The following TP63 variants were observed in gnomAD, a reference collection of about 807,000 sequenced individuals.
TP63 encodes the protein tumor protein 63.
TP63 carries 17 observed loss-of-function variants against 82.8 expected under a neutral mutation model. The observed-to-expected ratio is 0.21, with a 90% CI of 0.14 to 0.31. The LOEUF is 0.31. Among genes scored for constraint, TP63 ranks in the 10% least tolerant of loss-of-function variants. The pLI, the probability that TP63 is intolerant of heterozygous loss-of-function variation, is 1.00. For missense variants in TP63, 648 were observed against 895.3 expected, an observed-to-expected ratio of 0.72 and a Z score of 3.52; for synonymous variants, 330 against 321.7, an observed-to-expected ratio of 1.03 and a Z score of -0.28.
intron 4 of TP63, among the ~76,000 whole-genome samples, chr3:189,828,167 G>A (rs1231644538): frequency 1.3e-5 from 2 of 152,008 alleles, no homozygotes; most frequent in Non-Finnish European, 2.9e-5. Context: ...CTTGAACCCA[G>A]GAGGCAGAGG....
chr3:189,604,097 C>T, the TP63 span, among the ~76,000 whole-genome samples: 1 of 152,102 alleles, frequency 6.6e-6, no homozygotes, highest in Non-Finnish European at 1.5e-5. Flanking sequence ...AAGTAGTGTG[C>T]AAAGAACATG....
chr3:189,732,776 C>G (rs562068363), intron 1 of TP63, among the ~76,000 whole-genome samples: 11 of 151,888 alleles, frequency 7.2e-5, no homozygotes, highest in African/African-American at 2.7e-4. Context: ...CCTCAAGGAG[C>G]TGTAAAACCA....
intron 10 of TP63, among the ~76,000 whole-genome samples, chr3:189,884,267 G>C (rs954215601): frequency 6.6e-6 from 1 of 152,208 alleles, no homozygotes; most frequent in Non-Finnish European, 1.5e-5. Context: ...TCTTTGAAAA[G>C]GTTCCCCCAC....
chr3:189,866,789 C>A lies in TP63; in HGVS notation c.874C>A (p.Pro292Thr), dbSNP rs749041260. ...ACAGAGTGTGCTGGTACCTTATGAG[C>A]CACCCCAGGTAAAAAGCAAAAAACC... ...GRQSVLVPYE[P>T]PQVGTEFTTV... Residue 292 changes from proline (P) to threonine (T), a missense_variant, in exon 6 of 14, where the codon CCA becomes ACA. Around this residue, in one of 5 missense-constraint regions of TP63, gnomAD observed 30 missense variants for 26.4 expected, o/e 1.14. Transcript: ENST00000264731. The A allele has an allele frequency of 6.2e-7, 1 of 1,613,978 alleles. No individual in the cohort carries two copies. The highest frequency in any genetic ancestry group is 1.3e-5 in the African/African-American group (1 of 75,008).
At chr3:189,641,684 A>G (rs1479912123) in intron 1 of TP63, among the ~76,000 whole-genome samples, 3 of 152,052 alleles carry the variant, frequency 2.0e-5, no homozygotes, top group Non-Finnish European at 2.9e-5. Flanking sequence ...ATTTTTGAAC[A>G]TTTGGTTTGG....
At chr3:189,800,903 ATTTATT>A (rs1306444307) in intron 3 of TP63, among the ~76,000 whole-genome samples, 2 of 152,106 alleles carry the variant, frequency 1.3e-5, no homozygotes, top group Non-Finnish European at 2.9e-5. Flanking sequence ...GAGTTTTAAA[ATTTATT>A]TTTATTTTTA....
intron 10 of TP63, among the ~76,000 whole-genome samples, chr3:189,885,403 A>T (rs966041635): frequency 1.3e-5 from 2 of 152,196 alleles, no homozygotes; most frequent in African/African-American, 4.8e-5. Flanking sequence ...CATCTGACTC[A>T]TGCAGCAAGT....
intron 3 of TP63, among the ~76,000 whole-genome samples, chr3:189,805,634 AG>A (rs1489036670): frequency 6.6e-6 from 1 of 152,206 alleles, no homozygotes; most frequent in Non-Finnish European, 1.5e-5. Context: ...AGCCTTGCCG[AG>A]GCCCGCTCAC....
chr3:189,889,306 A>G (rs779088376), intron 11 of TP63, 34 bp from the exon 12 acceptor site: 3 of 1,614,142 alleles, frequency 1.9e-6, no homozygotes, highest in Non-Finnish European at 2.5e-6. Flanking sequence ...TGATGATGGC[A>G]GTAACCCTTT....
intron 1 of TP63, among the ~76,000 whole-genome samples, chr3:189,632,167 A>T (rs1166429395): frequency 6.6e-6 from 1 of 152,160 alleles, no homozygotes; most frequent in Non-Finnish European, 1.5e-5. Flanking sequence ...ACAATTGTGT[A>T]TGTGCTTCAA....
chr3:189,628,669 C>G (rs1729370889), upstream of TP63, among the ~76,000 whole-genome samples: 1 of 152,096 alleles, frequency 6.6e-6, no homozygotes, highest in Non-Finnish European at 1.5e-5. Context: ...CTAAAAGACT[C>G]TAAAGTCTTG....
At chr3:189,788,819 A>G (rs950852713) in intron 3 of TP63, among the ~76,000 whole-genome samples, 10 of 152,022 alleles carry the variant, frequency 6.6e-5, no homozygotes, top group African/African-American at 2.4e-4. Flanking sequence ...CTAATCATTT[A>G]CATAGATGCA....
intron 4 of TP63, among the ~76,000 whole-genome samples, chr3:189,855,696 A>G (rs1190314012): frequency 6.6e-6 from 1 of 151,762 alleles, no homozygotes; most frequent in Non-Finnish European, 1.5e-5. Context: ...GTTTGTGTGT[A>G]TATATGTGTG....
the TP63 span, among the ~76,000 whole-genome samples, chr3:189,623,475 C>T: frequency 6.6e-6 from 1 of 152,106 alleles, no homozygotes; most frequent in Non-Finnish European, 1.5e-5. Flanking sequence ...GGGGTCACAG[C>T]CATGCCATAG....
At chr3:189,823,784 G>A (rs983619644) in intron 4 of TP63, among the ~76,000 whole-genome samples, 2 of 152,102 alleles carry the variant, frequency 1.3e-5, no homozygotes, top group African/African-American at 4.8e-5. Flanking sequence ...GATTAAATGA[G>A]ATGATGGGGT....
At chr3:189,842,010 G>A (rs1379126855) in intron 4 of TP63, among the ~76,000 whole-genome samples, 1 of 152,204 alleles carries the variant, frequency 6.6e-6, no homozygotes, top group Non-Finnish European at 1.5e-5. Flanking sequence ...GGAAGGAACA[G>A]GGAAAACCAG....
chr3:189,886,795 TGAAAA>T (rs1250732783), intron 11 of TP63, among the ~76,000 whole-genome samples: 1 of 151,984 alleles, frequency 6.6e-6, no homozygotes, highest in Non-Finnish European at 1.5e-5. Context: ...AGGATTTCTG[TGAAAA>T]GAACAGTCTA....
intron 1 of TP63, among the ~76,000 whole-genome samples, chr3:189,681,978 A>C (rs913515999): frequency 4.6e-5 from 7 of 152,150 alleles, no homozygotes; most frequent in Non-Finnish European, 1.0e-4. Context: ...CATGCCTGTA[A>C]TCTTAGCACT....
chr3:189,722,198 G>C (rs78956444), intron 1 of TP63, among the ~76,000 whole-genome samples: 1,701 of 152,308 alleles, frequency 0.011, 24 homozygotes, highest in East Asian at 0.059. Context: ...GCAGGGCTTG[G>C]AAAGAATTCC....
Sources: allele counts gnomAD v4.1 joint callset (sites outside exome capture counted in the v4.1 genomes callset), GRCh38; gene constraint gnomAD v4.1.1; regional missense constraint gnomAD v4.1.1; transcripts MANE v1.5; gene names NCBI Gene and HGNC (gene_info 2026-07-23, HGNC 2026-07-21).